The following TMEM267 variants were observed in gnomAD, a reference collection of about 807,000 sequenced individuals.
TMEM267 encodes transmembrane protein 267, also known as transmembrane protein C5orf28.
A neutral mutation model predicts 19.3 loss-of-function variants in TMEM267; 20 were observed. The ratio of observed to expected loss-of-function variants is 1.04; its 90% CI spans 0.73 to 1.51. TMEM267 has a LOEUF of 1.51. TMEM267 is among the 40% of genes most tolerant of loss of function. The pLI, the probability that TMEM267 is intolerant of heterozygous loss-of-function variation, is 0.00. For synonymous variants in TMEM267, 88 were observed against 90.3 expected, an observed-to-expected ratio of 0.97 and a Z score of 0.15; for missense variants, 242 against 261.9, an observed-to-expected ratio of 0.92 and a Z score of 0.52.
At chr5:43,467,477 A>G (rs896529410) in intron 1 of TMEM267, among the ~76,000 whole-genome samples, 13 of 152,242 alleles carry the variant, frequency 8.5e-5, no homozygotes, top group African/African-American at 2.7e-4. Context: ...GACAAAAAGT[A>G]TAAGAGACAA....
chr5:43,446,397 C>A lies in TMEM267; in HGVS notation c.473G>T (p.Arg158Leu). The stretch of plus-strand genomic sequence containing the variant: ...CCACAAACCATGACGAATCCCATCT[C>A]GGATATGATGTGAAGTCCAGGATAT... ...LFISWTSHHIRDGIRHGLWIC... is the reference protein window; with the variant it reads ...LFISWTSHHILDGIRHGLWIC... Residue 158 changes from arginine to leucine, a missense_variant, in exon 3 of 3, where the codon CGA becomes CTA. Transcript: ENST00000397080. The A allele has an allele frequency of 1.2e-6, 2 of 1,614,070 alleles. No homozygotes were observed. The highest frequency in any genetic ancestry group is 8.5e-7 in the Non-Finnish European group (1 of 1,179,984).
At chr5:43,457,707 C>T (rs1409936692) in intron 1 of TMEM267, among the ~76,000 whole-genome samples, 2 of 151,788 alleles carry the variant, frequency 1.3e-5, no homozygotes, top group Non-Finnish European at 1.5e-5. Context: ...CAAATCCAAA[C>T]CATATCAGTT....
chr5:43,460,230 C>T (rs1330307117), intron 1 of TMEM267, among the ~76,000 whole-genome samples: 6 of 152,088 alleles, frequency 3.9e-5, no homozygotes, highest in African/African-American at 1.4e-4. Context: ...TGCTAGCCTG[C>T]CGTTCACCTC....
At chr5:43,464,233 G>C (rs1343265863) in intron 1 of TMEM267, among the ~76,000 whole-genome samples, 12 of 151,918 alleles carry the variant, frequency 7.9e-5, no homozygotes, top group African/African-American at 2.2e-4. Context: ...AAATACCTAG[G>C]AATCCAACTT....
At position 43,483,384 on chromosome 5, in the gene TMEM267, T is replaced by G. The variant is rs570868860; in HGVS notation, c.-75+438A>C. ...GGGCCAGGCTGCAGGGAAAGGACCATGTCACACTCTCAGCATTCAAGCCTC... is the reference window on the plus strand; with the variant it reads ...GGGCCAGGCTGCAGGGAAAGGACCAGGTCACACTCTCAGCATTCAAGCCTC... On this transcript the variant is annotated intron_variant, in intron 1 of 2. Coordinates refer to ENST00000397080, the MANE Select transcript of TMEM267 (RefSeq NM_022483.5). 1.8e-4 allele frequency among the ~76,000 whole-genome samples: 28 copies of G among 152,278 alleles called. 1 individual carries two copies. Among genetic ancestry groups the G allele is most frequent in the South Asian group, 2.1e-4 (1 of 4,828 alleles).
At chr5:43,483,229 T>C (rs1232486413) in intron 1 of TMEM267, among the ~76,000 whole-genome samples, 7 of 152,252 alleles carry the variant, frequency 4.6e-5, no homozygotes, top group Non-Finnish European at 1.5e-5. Context: ...TTAAAATGTT[T>C]AGTTCCTATG....
intron 1 of TMEM267, among the ~76,000 whole-genome samples, chr5:43,475,206 A>G (rs1441347762): frequency 6.6e-6 from 1 of 152,210 alleles, no homozygotes; most frequent in Non-Finnish European, 1.5e-5. Context: ...AAAAGAATGA[A>G]CTCATGTCCT....
chr5:43,454,009 A>G lies in TMEM267; in HGVS notation c.-40T>C. On this transcript the variant is annotated 5_prime_UTR_variant, in exon 2 of 3. Transcript: ENST00000397080. ...TAGTATAGACTAAAAGCCATCAGGA[A>G]TGAACAGTCTATTCTTGTTTACATT... 1 of 1,592,500 alleles carries G rather than the reference A, an allele frequency of 6.3e-7. No individual in the cohort carries two copies. The highest frequency in any genetic ancestry group is 8.6e-7 in the Non-Finnish European group (1 of 1,168,788).
intron 1 of TMEM267, chr5:43,480,082 A>C (rs1368368073): frequency 3.7e-6 from 1 of 272,128 alleles, no homozygotes; most frequent in Non-Finnish European, 7.1e-6. Context: ...AAATGCCCTT[A>C]TCCACTTAGC....
At chr5:43,474,759 CAAA>C (rs1175355175) in intron 1 of TMEM267, among the ~76,000 whole-genome samples, 4 of 57,424 alleles carry the variant, frequency 7.0e-5, no homozygotes, top group Non-Finnish European at 1.1e-4. Flanking sequence ...AACTCTGTCT[CAAA>C]AAAAAAAAAA....
intron 1 of TMEM267, among the ~76,000 whole-genome samples, chr5:43,472,690 A>G (rs958510165): frequency 6.6e-6 from 1 of 152,224 alleles, no homozygotes; most frequent in African/African-American, 2.4e-5. Flanking sequence ...TAAGCCAGAC[A>G]CAGAAACACA....
At chr5:43,464,727 T>C (rs1205636412) in intron 1 of TMEM267, among the ~76,000 whole-genome samples, 15 of 152,358 alleles carry the variant, frequency 9.8e-5, no homozygotes, top group Admixed American at 9.1e-4. Flanking sequence ...ATTTAATAAA[T>C]GGTGCTGGGA....
intron 1 of TMEM267, among the ~76,000 whole-genome samples, chr5:43,472,609 C>A (rs1270380054): frequency 1.3e-5 from 2 of 152,006 alleles, no homozygotes; most frequent in Non-Finnish European, 2.9e-5. Context: ...ACTATTCAGC[C>A]ATAAGAAAGA....
At chr5:43,458,453 G>C (rs1478625279) in intron 1 of TMEM267, among the ~76,000 whole-genome samples, 5 of 152,132 alleles carry the variant, frequency 3.3e-5, no homozygotes, top group Non-Finnish European at 5.9e-5. Context: ...TTATTTAAAA[G>C]TCTACAAAAT....
chr5:43,477,392 G>A (rs932378809), intron 1 of TMEM267, among the ~76,000 whole-genome samples: 1 of 152,084 alleles, frequency 6.6e-6, no homozygotes, highest in African/African-American at 2.4e-5. Flanking sequence ...TTCAAGACCA[G>A]CCTGACCAAC....
Position 43,445,669 on chromosome 5 carries a change from T to G in TMEM267, c.*553A>C, listed in dbSNP as rs891414248. On this transcript the variant is annotated 3_prime_UTR_variant, in exon 3 of 3. Transcript: ENST00000397080. ...TGAAGGTTTTGCCAGTAATCATAAC[T>G]CATAAAGCATTCTGCAAATTAAATT... 1 of 152,262 alleles carries G rather than the reference T, an allele frequency of 6.6e-6. No homozygotes were observed. The highest frequency in any genetic ancestry group is 2.4e-5 in the African/African-American group (1 of 41,466). 9.4% of individuals were successfully genotyped at this position (152,262 alleles called of 1,614,324 possible). A position where few individuals can be genotyped will look rare whatever the true frequency, so the allele number is the denominator to read the frequency against.
At chr5:43,453,111 A>C (rs896999073) in intron 2 of TMEM267, among the ~76,000 whole-genome samples, 19 of 152,370 alleles carry the variant, frequency 1.2e-4, no homozygotes, top group African/African-American at 4.6e-4. Flanking sequence ...TGTTCTAGCC[A>C]GTCCAGTTGA....
intron 2 of TMEM267, among the ~76,000 whole-genome samples, chr5:43,449,000 G>C (rs1742424059): frequency 6.6e-6 from 1 of 151,672 alleles, no homozygotes; most frequent in South Asian, 2.1e-4. Context: ...GATAATAATT[G>C]ATTAAACTCA....
At chr5:43,449,727 T>C (rs1448212536) in intron 2 of TMEM267, among the ~76,000 whole-genome samples, 2 of 152,216 alleles carry the variant, frequency 1.3e-5, no homozygotes, top group African/African-American at 4.8e-5. Context: ...AAAATATAAA[T>C]CATAGAACTG....
Sources: allele counts gnomAD v4.1 joint callset (sites outside exome capture counted in the v4.1 genomes callset), GRCh38; gene constraint gnomAD v4.1.1; transcripts MANE v1.5; gene names NCBI Gene and HGNC (gene_info 2026-07-23, HGNC 2026-07-21).